CHRNA7: variants seen among roughly 807,000 people sequenced by gnomAD.
CHRNA7 encodes neuronal acetylcholine receptor subunit alpha-7.
Under a neutral mutation model 48.0 loss-of-function variants are expected in CHRNA7, and 17 were observed. The observed-to-expected ratio is 0.35, with a 90% CI of 0.24 to 0.53. The LOEUF (loss-of-function observed/expected upper bound fraction) is 0.53. Among genes scored for constraint, CHRNA7 ranks in the 20% least tolerant of loss-of-function variants. The pLI is 0.92. For missense variants in CHRNA7, 155 were observed against 577.7 expected (o/e 0.27, Z 7.50); for synonymous variants, 75 against 242.3 (o/e 0.31, Z 6.41).
At chr15:32,070,349 A>G (rs1439059377) in intron 2 of CHRNA7, among the ~76,000 whole-genome samples, 2 of 152,106 alleles carry the variant, frequency 1.3e-5, no homozygotes, top group Admixed American at 1.3e-4. Flanking sequence ...TAAATGTTGA[A>G]TTTTGAGAGT....
At chr15:32,121,583 A>G (rs1045570725) in intron 4 of CHRNA7, among the ~76,000 whole-genome samples, 1 of 152,178 alleles carries the variant, frequency 6.6e-6, no homozygotes. Flanking sequence ...GGGACATAAC[A>G]TCTTAGAAAG....
chr15:32,130,090 A>C (rs2051130300), intron 4 of CHRNA7, among the ~76,000 whole-genome samples: 1 of 151,890 alleles, frequency 6.6e-6, no homozygotes, highest in Non-Finnish European at 1.5e-5. Flanking sequence ...ACTTCTTTTA[A>C]ATGTATTGAG....
In CHRNA7 at chr15:32,105,693, A is replaced by G. The variant is rs543616685; in HGVS notation, c.240+4346A>G. ...CTCCTAAACGTGAAGATCTGGGAGC[A>G]CTGGCATTTCTGAGTATTTTGTCAT... On this transcript the variant is annotated intron_variant, in intron 3 of 9. Transcript: ENST00000306901. Among the ~76,000 whole-genome samples the G allele has an allele frequency of 9.2e-5, 14 of 152,274 alleles. No individual in the cohort carries two copies. The South Asian group carries it at 2.7e-3, about 29-fold the overall frequency.
chr15:32,088,101 C>G (rs933567380), intron 2 of CHRNA7, among the ~76,000 whole-genome samples: 1 of 152,194 alleles, frequency 6.6e-6, no homozygotes, highest in Non-Finnish European at 1.5e-5. Flanking sequence ...TTGTCTACTC[C>G]TAACCCCCAC....
At chr15:32,114,043 T>TATATATACACACAC (rs58019100) in intron 4 of CHRNA7, among the ~76,000 whole-genome samples, 4 of 77,746 alleles carry the variant, frequency 5.1e-5, no homozygotes, top group Non-Finnish European at 9.1e-5. Flanking sequence ...TATATATATA[T>TATATATACACACAC]GTATATATAT....
chr15:32,114,669 G>A (rs1489012598), intron 4 of CHRNA7, among the ~76,000 whole-genome samples: 1 of 152,222 alleles, frequency 6.6e-6, no homozygotes, highest in Non-Finnish European at 1.5e-5. Flanking sequence ...TGAACCCAAC[G>A]TGGAATGAAT....
At chr15:32,069,077 TCTGA>T (rs1411927377) in intron 2 of CHRNA7, among the ~76,000 whole-genome samples, 5 of 152,300 alleles carry the variant, frequency 3.3e-5, no homozygotes, top group African/African-American at 1.2e-4. Flanking sequence ...ATAATTAAAA[TCTGA>T]CTGACATTAG....
intron 2 of CHRNA7, among the ~76,000 whole-genome samples, chr15:32,094,185 A>G (rs2050428673): frequency 6.6e-6 from 1 of 152,230 alleles, no homozygotes; most frequent in African/African-American, 2.4e-5. Context: ...ACCCTTTGCC[A>G]AGGTGGCTAG....
At chr15:32,132,014 C>T (rs2051165367) in intron 4 of CHRNA7, among the ~76,000 whole-genome samples, 1 of 152,212 alleles carries the variant, frequency 6.6e-6, no homozygotes, top group Admixed American at 6.5e-5. Context: ...GAGGTCACTG[C>T]TTGGCCTTCT....
intron 2 of CHRNA7, among the ~76,000 whole-genome samples, chr15:32,042,203 G>A (rs753643038): frequency 8.5e-5 from 13 of 152,156 alleles, no homozygotes; most frequent in African/African-American, 1.2e-4. Context: ...GTTTTTTAGT[G>A]AGCCTTTCCC....
intron 4 of CHRNA7, among the ~76,000 whole-genome samples, chr15:32,146,124 A>G (rs2051484303): frequency 6.6e-6 from 1 of 152,190 alleles, no homozygotes; most frequent in South Asian, 2.1e-4. Flanking sequence ...ATAAATCCTA[A>G]CAAGTTTAGG....
At chr15:32,148,893 G>A (rs967912713) in intron 4 of CHRNA7, among the ~76,000 whole-genome samples, 1 of 152,190 alleles carries the variant, frequency 6.6e-6, no homozygotes, top group Non-Finnish European at 1.5e-5. Context: ...TTCCGTCTTT[G>A]GGAGCTCTGG....
chr15:32,077,137 T>G (rs2050147714), intron 2 of CHRNA7, among the ~76,000 whole-genome samples: 1 of 152,164 alleles, frequency 6.6e-6, no homozygotes, highest in South Asian at 2.1e-4. Context: ...TAGCTCTTTT[T>G]TTTTTTAGTG....
At chr15:32,147,719 C>G (rs2051521205) in intron 4 of CHRNA7, among the ~76,000 whole-genome samples, 3 of 152,142 alleles carry the variant, frequency 2.0e-5, no homozygotes. Flanking sequence ...TGATTCTACT[C>G]AAGACTTTTT....
Position 32,168,766 on chromosome 15 carries a change from GCTCC to G in CHRNA7, c.*309_*312del. 13 of 41,968 alleles carry G rather than the reference GCTCC, an allele frequency of 3.1e-4. No individual in the cohort carries two copies. Among genetic ancestry groups the G allele is most frequent in the South Asian group, 1.1e-3 (4 of 3,616 alleles). The allele number at this position is 41,968 out of a possible 1,614,324, so 2.6% of individuals were successfully genotyped here. ...AAAGCCCTTCGGAGAGCTCCCCATG[GCTCC>G]TCACCACCGAGACAGTTGGTTTTGC... On this transcript the variant is annotated 3_prime_UTR_variant, in exon 10 of 10. Transcript: ENST00000306901.
At chr15:32,038,316 CT>C (rs1277395552) in intron 2 of CHRNA7, among the ~76,000 whole-genome samples, 1 of 151,570 alleles carries the variant, frequency 6.6e-6, no homozygotes, top group Non-Finnish European at 1.5e-5. Flanking sequence ...AAGTTCTCCC[CT>C]ATTCCGTTTA....
chr15:32,120,627 C>T lies in CHRNA7; in HGVS notation c.350+8728C>T, dbSNP rs898515904. On this transcript the variant is annotated intron_variant, in intron 4 of 9. Transcript: ENST00000306901. ...GCAAGAGTTTGAGCAGAATTTCAAGCAGAGGACAGGTGCTGCGGTGAATAG... is the reference window on the plus strand; with the variant it reads ...GCAAGAGTTTGAGCAGAATTTCAAGTAGAGGACAGGTGCTGCGGTGAATAG... 7.9e-5 allele frequency among the ~76,000 whole-genome samples: 12 copies of T among 151,870 alleles called. 1 individual carries two copies. The South Asian group carries it at 1.5e-3, about 18-fold the overall frequency.
chr15:32,114,046 A>ATATATATATATATATATG (rs1566848881), intron 4 of CHRNA7, among the ~76,000 whole-genome samples: 1 of 44,750 alleles, frequency 2.2e-5, no homozygotes, highest in African/African-American at 6.6e-5. Context: ...ATATATATGT[A>ATATATATATATATATATG]TATATATATA....
intron 4 of CHRNA7, among the ~76,000 whole-genome samples, chr15:32,114,044 G>GTATATATATATATATATATATATGTA (rs1321921481): frequency 1.6e-5 from 1 of 63,606 alleles, no homozygotes; most frequent in African/African-American, 5.7e-5. Context: ...ATATATATAT[G>GTATATATATATATATATATATATGTA]TATATATATA....
Sources: gnomAD v4.1 joint callset for allele counts (sites outside exome capture counted in the v4.1 genomes callset) on GRCh38, gnomAD v4.1.1 for gene constraint, MANE v1.5 for transcripts, NCBI Gene and HGNC (gene_info 2026-07-23, HGNC 2026-07-21) for gene names.